MAPK9: variants seen among roughly 807,000 people sequenced by gnomAD.
MAPK9 encodes mitogen-activated protein kinase 9, also known as Jun kinase.
In MAPK9, 30 loss-of-function variants were observed where a neutral mutation model predicts 57.1. The observed-to-expected ratio is 0.53, with a 90% CI of 0.39 to 0.71. The LOEUF (loss-of-function observed/expected upper bound fraction) is 0.71. Among genes scored for constraint, MAPK9 ranks in the 30% least tolerant of loss-of-function variants. The probability of loss-of-function intolerance (pLI) is 0.00; values close to 1 mark genes in which losing one functional copy is unlikely to be tolerated. For synonymous variants in MAPK9, 155 were observed against 177.0 expected, an observed-to-expected ratio of 0.88 and a Z score of 0.99; for missense variants, 362 against 521.0, an observed-to-expected ratio of 0.69 and a Z score of 2.97.
chr5:180,238,240 A>C, intron 11 of MAPK9, 92 bp downstream of exon 11: 1 of 960,748 alleles, frequency 1.0e-6, no homozygotes, highest in Non-Finnish European at 1.6e-6. Context: ...GCTGCTCTCC[A>C]GCCTGGGCGA....
chr5:180,249,953 C>T (rs931047321), intron 5 of MAPK9, among the ~76,000 whole-genome samples: 54 of 152,176 alleles, frequency 3.5e-4, no homozygotes, highest in African/African-American at 1.3e-3. Flanking sequence ...GGTCTAGAAT[C>T]GTCTGATCCT....
chr5:180,262,025 AAAC>A (rs1760020404), intron 4 of MAPK9, among the ~76,000 whole-genome samples: 1 of 152,184 alleles, frequency 6.6e-6, no homozygotes, highest in Admixed American at 6.5e-5. Flanking sequence ...TTAAAAAAAA[AAAC>A]AACAACCTTT....
At chr5:180,274,280 T>C (rs534645616) in intron 2 of MAPK9, among the ~76,000 whole-genome samples, 55 of 152,250 alleles carry the variant, frequency 3.6e-4, no homozygotes, top group African/African-American at 1.3e-3. Flanking sequence ...GGGGGAGGGG[T>C]ACATATACTG....
intron 2 of MAPK9, among the ~76,000 whole-genome samples, chr5:180,278,787 T>C (rs1581294597): frequency 9.8e-6 from 1 of 102,402 alleles, no homozygotes; most frequent in East Asian, 2.4e-4. Flanking sequence ...TCTTGCCCCC[T>C]CTCTCCTTTT....
intron 4 of MAPK9, 129 bp from the exon 5 acceptor site, chr5:180,261,951 G>C: frequency 1.5e-6 from 1 of 675,336 alleles, no homozygotes; most frequent in Non-Finnish European, 2.3e-6. Context: ...TGGTATAATG[G>C]AACTTTCTAA....
At chr5:180,255,472 C>T (rs751269148) in intron 5 of MAPK9, among the ~76,000 whole-genome samples, 7 of 152,006 alleles carry the variant, frequency 4.6e-5, no homozygotes, top group Admixed American at 6.6e-5. Context: ...ATGAAATACC[C>T]AAGACATCTA....
chr5:180,275,964 G>A (rs977795337), intron 2 of MAPK9, among the ~76,000 whole-genome samples: 1 of 152,140 alleles, frequency 6.6e-6, no homozygotes, highest in African/African-American at 2.4e-5. Context: ...CTTTGTACAG[G>A]TGTTCGGGCC....
chr5:180,260,609 G>A (rs1477423666), intron 5 of MAPK9, among the ~76,000 whole-genome samples: 1 of 152,150 alleles, frequency 6.6e-6, no homozygotes, highest in African/African-American at 2.4e-5. Flanking sequence ...TAAGCAACAT[G>A]AATCCAATAG....
intron 1 of MAPK9, among the ~76,000 whole-genome samples, chr5:180,288,598 G>A (rs148142811): frequency 1.3e-5 from 2 of 152,228 alleles, no homozygotes; most frequent in East Asian, 1.9e-4. Flanking sequence ...GAGTGCAATC[G>A]CTTCTGCACA....
intron 10 of MAPK9, among the ~76,000 whole-genome samples, 182 bp from the exon 11 acceptor site, chr5:180,238,585 A>G (rs1015023751): frequency 1.4e-5 from 2 of 145,658 alleles, no homozygotes; most frequent in South Asian, 2.2e-4. Context: ...TTGATACATT[A>G]TATCTTTTCT....
rs754934802 is a variant in MAPK9 at position 180,241,139 on chromosome 5, A to G, written c.888T>C (p.Asp296=). Reference sequence around the variant, plus strand: ...CAATCACTAACATTTTTGATAACAGATCTCTGGCTTGACTTGCTAGGGTGA... The same window carrying G: ...CAATCACTAACATTTTTGATAACAGGTCTCTGGCTTGACTTGCTAGGGTGA... ...RDKIKTSQAR[D]LLSKMLVIDP... The change falls in exon 9 of 12, where the codon GAT becomes GAC. Residue 296 remains aspartate, a synonymous_variant. Transcript: ENST00000452135. 1 of 1,613,312 alleles carries G rather than the reference A, an allele frequency of 6.2e-7. No individual in the cohort carries two copies. Among genetic ancestry groups the G allele is most frequent in the Admixed American group, 1.7e-5 (1 of 59,808 alleles).
intron 3 of MAPK9, among the ~76,000 whole-genome samples, chr5:180,267,039 A>G (rs1760635371): frequency 6.6e-6 from 1 of 152,276 alleles, no homozygotes; most frequent in African/African-American, 2.4e-5. Flanking sequence ...TATGTTCATT[A>G]AAGTATATGA....
intron 5 of MAPK9, among the ~76,000 whole-genome samples, chr5:180,257,104 A>C (rs1231258083): frequency 6.6e-6 from 1 of 152,188 alleles, no homozygotes. Context: ...GTTCTATTTT[A>C]AAAAACAGTA....
chr5:180,266,562 C>T (rs1760577309), intron 3 of MAPK9, among the ~76,000 whole-genome samples: 3 of 152,088 alleles, frequency 2.0e-5, no homozygotes, highest in Admixed American at 6.6e-5. Context: ...AGGTGATCCA[C>T]CTGCCTTGGC....
chr5:180,248,685 C>T (rs1335674912), intron 6 of MAPK9, among the ~76,000 whole-genome samples: 2 of 152,180 alleles, frequency 1.3e-5, no homozygotes, highest in South Asian at 2.1e-4. Flanking sequence ...GGTGTGCTCA[C>T]CTCAGCTGAG....
intron 3 of MAPK9, among the ~76,000 whole-genome samples, chr5:180,267,128 T>C (rs368967211): frequency 6.6e-6 from 1 of 152,244 alleles, no homozygotes; most frequent in East Asian, 1.9e-4. Flanking sequence ...TGTGCACATG[T>C]ATGCATAAGA....
At chr5:180,251,916 A>G (rs1308624304) in intron 5 of MAPK9, among the ~76,000 whole-genome samples, 1 of 152,174 alleles carries the variant, frequency 6.6e-6, no homozygotes, top group Non-Finnish European at 1.5e-5. Context: ...GGAGCACATC[A>G]TGACAGGTGT....
intron 10 of MAPK9, among the ~76,000 whole-genome samples, chr5:180,239,422 T>C (rs1331354832): frequency 2.0e-4 from 31 of 152,242 alleles, no homozygotes. Flanking sequence ...GTTGACTGAC[T>C]CTGACTGTGG....
chr5:180,273,044 C>A (rs1761488910), intron 2 of MAPK9, among the ~76,000 whole-genome samples: 1 of 152,212 alleles, frequency 6.6e-6, no homozygotes, highest in Non-Finnish European at 1.5e-5. Context: ...TCCTCACCAG[C>A]ACTTGGTATC....
Sources: gnomAD v4.1 joint callset for allele counts (sites outside exome capture counted in the v4.1 genomes callset) on GRCh38, gnomAD v4.1.1 for gene constraint, MANE v1.5 for transcripts, NCBI Gene and HGNC (gene_info 2026-07-23, HGNC 2026-07-21) for gene names.